TLE1: variants seen among roughly 807,000 people sequenced by gnomAD.
TLE1 encodes transducin-like enhancer protein 1.
A neutral mutation model predicts 89.8 loss-of-function variants in TLE1; 21 were observed. That is an observed-to-expected ratio of 0.23 (90% CI 0.17 to 0.34). The LOEUF (loss-of-function observed/expected upper bound fraction) is 0.34, where lower values mean the gene tolerates loss of function less well. Among genes scored for constraint, TLE1 ranks in the 10% least tolerant of loss-of-function variants. TLE1 has a pLI of 1.00. For synonymous variants in TLE1, 447 were observed against 407.6 expected, an observed-to-expected ratio of 1.10 and a Z score of -1.16; for missense variants, 795 against 1,031.2, an observed-to-expected ratio of 0.77 and a Z score of 3.14.
At chr9:81,587,349 G>C (rs1202341005) in intron 17 of TLE1, among the ~76,000 whole-genome samples, 1 of 152,142 alleles carries the variant, frequency 6.6e-6, no homozygotes, top group Admixed American at 6.5e-5. Flanking sequence ...GCATTAGATG[G>C]TGAGAATATG....
rs193049721 is a variant in TLE1, at chr9:81,602,466, G to A, written c.1331+7754C>T. Among the ~76,000 whole-genome samples, 656 of 152,220 alleles carry A rather than the reference G, an allele frequency of 4.3e-3. 2 individuals are homozygous for A. Among genetic ancestry groups the A allele is most frequent in the African/African-American group, 0.015 (604 of 41,532 alleles). ...ACAAAATTCATTTCTGTTTCATACA[G>A]ACCTTATGCACTTAGCCTGAAGGTG... On this transcript the variant is annotated intron_variant, in intron 14 of 19. Coordinates refer to ENST00000376499, the MANE Select transcript of TLE1 (RefSeq NM_005077.5).
intron 4 of TLE1, among the ~76,000 whole-genome samples, chr9:81,675,624 A>G (rs1832776270): frequency 6.6e-6 from 1 of 152,146 alleles, no homozygotes; most frequent in Non-Finnish European, 1.5e-5. Flanking sequence ...AGAAAAACTG[A>G]GCAAAACTGG....
chr9:81,639,835 C>T (rs1250812619), intron 6 of TLE1, among the ~76,000 whole-genome samples: 4 of 152,046 alleles, frequency 2.6e-5, no homozygotes, highest in Admixed American at 6.6e-5. Context: ...CAGCCCACCT[C>T]GGCCTCCCAA....
intron 4 of TLE1, among the ~76,000 whole-genome samples, chr9:81,668,140 C>G (rs1219425003): frequency 6.6e-6 from 1 of 150,428 alleles, no homozygotes; most frequent in Non-Finnish European, 1.5e-5. Context: ...ACTCCAGCAG[C>G]CTGGGCGACA....
Position 81,585,998 on chromosome 9 carries a change from G to C in TLE1, c.1978-343C>G, listed in dbSNP as rs1001213357. Among the ~76,000 whole-genome samples, 10 of 149,468 alleles carry C rather than the reference G, an allele frequency of 6.7e-5. 1 individual carries two copies. The East Asian group carries it at 2.0e-3, about 30-fold the overall frequency. On this transcript the variant is annotated intron_variant, in intron 17 of 19. Coordinates refer to ENST00000376499, the MANE Select transcript of TLE1 (RefSeq NM_005077.5). ...ACCTATCAAGGGGGATACATTCTGA[G>C]AAATGTGTCGTTAGGTGACTTTTTT...
chr9:81,620,660 C>G, intron 8 of TLE1, 103 bp from the exon 9 acceptor site: 1 of 1,518,300 alleles, frequency 6.6e-7, no homozygotes, highest in Non-Finnish European at 8.8e-7. Flanking sequence ...GATACCTACA[C>G]AGCCTTTCAT....
intron 4 of TLE1, among the ~76,000 whole-genome samples, chr9:81,666,856 G>A (rs1831531698): frequency 1.3e-5 from 2 of 151,764 alleles, no homozygotes; most frequent in South Asian, 4.2e-4. Context: ...TGAAGCACTG[G>A]CTCACATCTA....
intron 4 of TLE1, among the ~76,000 whole-genome samples, chr9:81,655,055 G>C (rs1829998481): frequency 6.6e-6 from 1 of 152,092 alleles, no homozygotes; most frequent in African/African-American, 2.4e-5. Context: ...AGTGTCTATA[G>C]CACGGGCTGT....
At chr9:81,686,781 A>C (rs982931799) in intron 2 of TLE1, among the ~76,000 whole-genome samples, 2 of 152,184 alleles carry the variant, frequency 1.3e-5, no homozygotes, top group African/African-American at 4.8e-5. Flanking sequence ...CCACTCTCTC[A>C]TCCTACCCAA....
intron 8 of TLE1, among the ~76,000 whole-genome samples, chr9:81,623,883 G>A (rs1258554791): frequency 2.0e-5 from 3 of 152,094 alleles, no homozygotes; most frequent in Admixed American, 6.6e-5. Flanking sequence ...CCTGAGAAGA[G>A]GCCAAAGCAA....
intron 4 of TLE1, among the ~76,000 whole-genome samples, chr9:81,667,942 T>C (rs566582598): frequency 7.2e-5 from 11 of 152,090 alleles, no homozygotes; most frequent in Non-Finnish European, 1.3e-4. Context: ...GGAGGGTGGA[T>C]TGCCTGAGGC....
At chr9:81,656,939 G>C (rs1317902769) in intron 4 of TLE1, among the ~76,000 whole-genome samples, 1 of 152,190 alleles carries the variant, frequency 6.6e-6, no homozygotes, top group Non-Finnish European at 1.5e-5. Flanking sequence ...AAACTGCCCA[G>C]CAGAAAAGCT....
At chr9:81,647,843 G>C (rs1196758752) in intron 6 of TLE1, among the ~76,000 whole-genome samples, 3 of 152,148 alleles carry the variant, frequency 2.0e-5, no homozygotes, top group Non-Finnish European at 4.4e-5. Flanking sequence ...ATATTCCTAT[G>C]TGGATTACCA....
At chr9:81,633,640 T>G (rs1826995300) in intron 7 of TLE1, 2 of 534,050 alleles carry the variant, frequency 3.7e-6, no homozygotes, top group Non-Finnish European at 6.6e-6. Flanking sequence ...ATTAGTCAAG[T>G]GCAATTTTGC....
At chr9:81,652,946 A>C (rs1325140086) in intron 5 of TLE1, among the ~76,000 whole-genome samples, 4 of 152,044 alleles carry the variant, frequency 2.6e-5, no homozygotes, top group African/African-American at 9.7e-5. Context: ...TTTACCCTCC[A>C]CAAGGCAAAG....
At position 81,688,424 on chromosome 9, in the gene TLE1, C is replaced by G; in HGVS notation, c.-184G>C. On this transcript the variant is annotated 5_prime_UTR_variant, in exon 1 of 20. Coordinates refer to ENST00000376499, the MANE Select transcript of TLE1 (RefSeq NM_005077.5). ...GCGCCCGCAGCTGCTCCGGCTCCCGCTCCCGTCGGTGCGGGCTCCGGCCCT... is the reference window on the plus strand; with the variant it reads ...GCGCCCGCAGCTGCTCCGGCTCCCGGTCCCGTCGGTGCGGGCTCCGGCCCT... 1.7e-6 allele frequency: 1 copy of G among 586,568 alleles called. No homozygotes were observed. The highest frequency in any genetic ancestry group is 2.8e-6 in the Non-Finnish European group (1 of 363,310). The allele number at this position is 586,568 out of a possible 1,614,324, so 36.3% of individuals were successfully genotyped here.
chr9:81,620,351 T>C, intron 9 of TLE1, 90 bp downstream of exon 9: 2 of 1,011,962 alleles, frequency 2.0e-6, no homozygotes, highest in Non-Finnish European at 3.0e-6. Flanking sequence ...TTTAAGGACA[T>C]GGAATTATCA....
intron 14 of TLE1, among the ~76,000 whole-genome samples, chr9:81,608,839 A>T (rs113043151): frequency 2.0e-5 from 3 of 152,124 alleles, no homozygotes; most frequent in African/African-American, 7.2e-5. Context: ...CGAGAGGCTG[A>T]GACAGAAGAA....
chr9:81,587,228 G>A (rs370898444), intron 17 of TLE1, among the ~76,000 whole-genome samples: 2 of 152,142 alleles, frequency 1.3e-5, no homozygotes, highest in Non-Finnish European at 2.9e-5. Context: ...CTGGTGCGGG[G>A]TAAATAAATG....
Sources: allele counts gnomAD v4.1 joint callset (sites outside exome capture counted in the v4.1 genomes callset), GRCh38; gene constraint gnomAD v4.1.1; transcripts MANE v1.5; gene names NCBI Gene and HGNC (gene_info 2026-07-23, HGNC 2026-07-21).